CACNA1E: variants seen among roughly 807,000 people sequenced by gnomAD.
CACNA1E encodes the protein calcium voltage-gated channel subunit alpha1 E, also known as voltage-dependent R-type calcium channel subunit alpha-1E.
In CACNA1E, 40 loss-of-function variants were observed where a neutral mutation model predicts 259.2. That is an observed-to-expected ratio of 0.15 (90% CI 0.12 to 0.20). The LOEUF (loss-of-function observed/expected upper bound fraction) is 0.20, where lower values mean the gene tolerates loss of function less well. Among genes scored for constraint, CACNA1E ranks in the 10% least tolerant of loss-of-function variants. CACNA1E has a pLI of 1.00. For synonymous variants in CACNA1E, 1,104 were observed against 1,138.5 expected, an observed-to-expected ratio of 0.97 and a Z score of 0.61; for missense variants, 1,874 against 3,040.1, an observed-to-expected ratio of 0.62 and a Z score of 9.02.
rs554437629 is a variant in CACNA1E at position 181,577,677 on chromosome 1, G to A, written c.513-89G>A. On this transcript the variant is annotated intron_variant, in intron 3 of 47. Transcript: ENST00000367573. ...GGCGTCAGCGCTGTGTGCTTTCCAG[G>A]CTGAGCTTGCCTCAGCCCCGCTTCC... 3.2e-5 allele frequency: 26 copies of A among 804,302 alleles called. No individual in the cohort carries two copies. The African/African-American group carries it at 4.3e-4, about 13-fold the overall frequency. 49.8% of individuals were successfully genotyped at this position (804,302 alleles called of 1,614,324 possible).
intron 6 of CACNA1E, among the ~76,000 whole-genome samples, chr1:181,622,571 C>T (rs975682232): frequency 1.3e-5 from 2 of 152,094 alleles, no homozygotes; most frequent in Admixed American, 6.6e-5. Context: ...CTTTTGTGTA[C>T]AAGTTTACTT....
At chr1:181,626,578 T>C (rs919973686) in intron 6 of CACNA1E, among the ~76,000 whole-genome samples, 2 of 152,110 alleles carry the variant, frequency 1.3e-5, no homozygotes, top group African/African-American at 4.8e-5. Flanking sequence ...ATGGACATGG[T>C]TTACTGGAGA....
chr1:181,409,866 C>G (rs1440992596), intron 1 of CACNA1E, among the ~76,000 whole-genome samples: 1 of 152,126 alleles, frequency 6.6e-6, no homozygotes, highest in East Asian at 1.9e-4. Flanking sequence ...CATATTATTG[C>G]TGTTGTAATT....
At position 181,758,720 on chromosome 1, in the gene CACNA1E, G is replaced by A; in HGVS notation, c.4495-38G>A. ...CATGTATTCCCCCTCTTACCTTAAG[G>A]CTGTGATTCTTTCTCTCTTCTTTTT... On this transcript the variant is annotated intron_variant, in intron 31 of 47. Transcript: ENST00000367573. The surrounding 1 kb of genome is among the most constrained non-coding windows in gnomAD (Gnocchi z 4.2). The A allele has an allele frequency of 8.5e-7, 1 of 1,181,414 alleles. No individual in the cohort carries two copies. The highest frequency in any genetic ancestry group is 1.3e-6 in the Non-Finnish European group (1 of 791,872). 73.2% of individuals were successfully genotyped at this position (1,181,414 alleles called of 1,614,324 possible). A position where few individuals can be genotyped will look rare whatever the true frequency, so the allele number is the denominator to read the frequency against.
In CACNA1E at chr1:181,758,829, C is replaced by T; in HGVS notation, c.4566C>T (p.Ser1522=). ...ATATCGCCTTCACCATGGTGTTTTCCCTGGAATGTGTCCTGAAGGTCATCG... is the reference window on the plus strand; with the variant it reads ...ATATCGCCTTCACCATGGTGTTTTCTCTGGAATGTGTCCTGAAGGTCATCG... ...YLNIAFTMVF[S]LECVLKVIAF... Residue 1522 remains serine, a synonymous_variant, in exon 32 of 48, where the codon TCC becomes TCT. Transcript: ENST00000367573. This position sits in a 1 kb window ranked among gnomAD's most constrained non-coding sequence, Gnocchi z 4.2. The T allele has an allele frequency of 6.2e-7, 1 of 1,612,726 alleles. No individual in the cohort carries two copies. The highest frequency in any genetic ancestry group is 8.5e-7 in the Non-Finnish European group (1 of 1,178,774).
chr1:181,709,776 A>AGCCACTGTGCCTGGCCTGC (rs1057043940), intron 7 of CACNA1E, among the ~76,000 whole-genome samples: 3 of 152,128 alleles, frequency 2.0e-5, no homozygotes, highest in Non-Finnish European at 2.9e-5. Flanking sequence ...TACAGGCATG[A>AGCCACTGTGCCTGGCCTGC]GCCACTGTGC....
intron 1 of CACNA1E, among the ~76,000 whole-genome samples, chr1:181,335,192 C>A (rs764721517): frequency 6.6e-6 from 1 of 152,188 alleles, no homozygotes; most frequent in Non-Finnish European, 1.5e-5. Context: ...AAGTCAGGAT[C>A]TCTAGCAAAC....
chr1:181,733,647 C>T lies in CACNA1E; in HGVS notation c.3159C>T (p.Leu1053=), dbSNP rs756484546. ...GRVISQSEPD[L]SCITANTDKA... Reference sequence around the variant, plus strand: ...TCATCAGCCAGAGCGAGCCTGACCTCTCCTGCATCACGGCCAACACGGACA... The same window carrying T: ...TCATCAGCCAGAGCGAGCCTGACCTTTCCTGCATCACGGCCAACACGGACA... Residue 1053 remains leucine, a synonymous_variant, in exon 21 of 48, where the codon CTC becomes CTT. Transcript: ENST00000367573. 3.7e-6 allele frequency: 6 copies of T among 1,612,884 alleles called. No individual in the cohort carries two copies. Among genetic ancestry groups the T allele is most frequent in the Non-Finnish European group, 4.2e-6 (5 of 1,179,478 alleles).
chr1:181,796,812 A>G lies in CACNA1E; in HGVS notation c.6353A>G (p.Gln2118Arg), dbSNP rs1385274925. The G allele has an allele frequency of 6.2e-7, 1 of 1,609,792 alleles. No individual in the cohort carries two copies. The highest frequency in any genetic ancestry group is 1.3e-5 in the African/African-American group (1 of 74,850). Residue 2118 changes from glutamine to arginine, a missense_variant, in exon 47 of 48, where the codon CAA becomes CGA. Coordinates refer to ENST00000367573, the MANE Select transcript of CACNA1E (RefSeq NM_001205293.3). ...QADWESPERR[Q>R]SRSPSEGRSQ... is the part of the protein sequence containing the mutation. ...GACTGGGAGTCCCCAGAGCGCCGTC[A>G]ATCCAGGTCACCCAGTGAGGGCAGG...
At chr1:181,565,010 T>G (rs1253595008) in intron 3 of CACNA1E, among the ~76,000 whole-genome samples, 21 of 152,164 alleles carry the variant, frequency 1.4e-4, no homozygotes, top group Non-Finnish European at 7.4e-5. Flanking sequence ...GCAGAGTAGA[T>G]TTAGCATAAT....
chr1:181,394,289 C>T (rs1656503217), intron 1 of CACNA1E, among the ~76,000 whole-genome samples: 1 of 152,192 alleles, frequency 6.6e-6, no homozygotes, highest in Non-Finnish European at 1.5e-5. Flanking sequence ...AATAAGATAG[C>T]ATATTTAAAG....
Position 181,795,023 on chromosome 1 carries a change from C to T in CACNA1E, c.6187C>T (p.His2063Tyr), listed in dbSNP as rs754004543. 14 of 1,613,796 alleles carry T rather than the reference C, an allele frequency of 8.7e-6. No homozygotes were observed. The highest frequency in any genetic ancestry group is 1.3e-5 in the African/African-American group (1 of 74,936). ...SYHSSLRLSA[H>Y]RLNSDSGHKS... ...CCACTCCTCCTTGCGGCTGTCAGCC[C>T]ACCGCCTGAACTCTGATTCAGGTGA... The change falls in exon 46 of 48, where the codon CAC (histidine) becomes TAC (tyrosine). Residue 2063 changes from histidine to tyrosine, a missense_variant. Coordinates refer to ENST00000367573, the MANE Select transcript of CACNA1E (RefSeq NM_001205293.3).
In CACNA1E at chr1:181,438,652, G is replaced by T. The variant is rs2102283416; in HGVS notation, c.434+25072G>T. ...TTAGGAGAAATTTATTTATACCCAT[G>T]AGAATGGCAAAATTCAGAAAGGTGG... On this transcript the variant is annotated intron_variant, in intron 2 of 11. Transcript: ENST00000524607. 2.0e-5 allele frequency among the ~76,000 whole-genome samples: 3 copies of T among 152,288 alleles called. 1 individual carries two copies. In the East Asian group the frequency reaches 5.8e-4, roughly 29 times the overall value.
At position 181,796,797 on chromosome 1, in the gene CACNA1E, C is replaced by A; in HGVS notation, c.6338C>A (p.Ser2113Tyr). Residue 2113 changes from serine (S) to tyrosine (Y), a missense_variant, in exon 47 of 48, where the codon TCC becomes TAC. Transcript: ENST00000367573. The stretch of plus-strand genomic sequence containing the variant: ...CGAGGGACCCAGGCTGACTGGGAGT[C>A]CCCAGAGCGCCGTCAATCCAGGTCA... The part of the protein sequence containing the change: ...EERGTQADWE[S>Y]PERRQSRSPS... 1 of 1,610,730 alleles carries A rather than the reference C, an allele frequency of 6.2e-7. No individual in the cohort carries two copies. Among genetic ancestry groups the A allele is most frequent in the Non-Finnish European group, 8.5e-7 (1 of 1,178,486 alleles).
chr1:181,791,893 C>A (rs769120906), intron 44 of CACNA1E, among the ~76,000 whole-genome samples: 1 of 152,112 alleles, frequency 6.6e-6, no homozygotes, highest in African/African-American at 2.4e-5. Context: ...CCACAGAGGG[C>A]GAAAAACACT....
At position 181,776,796 on chromosome 1, in the gene CACNA1E, C is replaced by T. The variant is rs1660012044; in HGVS notation, c.5267+568C>T. Among the ~76,000 whole-genome samples, 2 of 152,218 alleles carry T rather than the reference C, an allele frequency of 1.3e-5. No homozygotes were observed. The highest frequency in any genetic ancestry group is 6.5e-5 in the Admixed American group (1 of 15,290). On this transcript the variant is annotated intron_variant, in intron 38 of 47. Coordinates refer to ENST00000367573, the MANE Select transcript of CACNA1E (RefSeq NM_001205293.3). The surrounding 1 kb of genome is among the most constrained non-coding windows in gnomAD (Gnocchi z 4.4). Reference sequence around the variant, plus strand: ...TTGGTGAAGATAACTTCTTTACTGTCTCTTTTGCTGTTTAGTAGTTCTGAA... The same window carrying T: ...TTGGTGAAGATAACTTCTTTACTGTTTCTTTTGCTGTTTAGTAGTTCTGAA...
At chr1:181,457,747 T>C (rs1169391661) in intron 2 of CACNA1E, among the ~76,000 whole-genome samples, 4 of 152,206 alleles carry the variant, frequency 2.6e-5, no homozygotes, top group Non-Finnish European at 5.9e-5. Flanking sequence ...GTTGAACATA[T>C]AGATGAAGTT....
chr1:181,418,123 A>T (rs1213835157), intron 2 of CACNA1E, among the ~76,000 whole-genome samples: 1 of 152,038 alleles, frequency 6.6e-6, no homozygotes, highest in African/African-American at 2.4e-5. Context: ...GCAACATTTG[A>T]TCACTTCCTC....
intron 18 of CACNA1E, 42 bp from the exon 19 acceptor site, chr1:181,731,123 TGAGGTTCCTA>T: frequency 6.9e-7 from 1 of 1,454,634 alleles, no homozygotes; most frequent in Non-Finnish European, 9.6e-7. Context: ...CTGTGGGGCT[TGAGGTTCCTA>T]GAGGTTGGGG....
Sources: gnomAD v4.1 joint callset for allele counts (sites outside exome capture counted in the v4.1 genomes callset) on GRCh38, gnomAD v4.1.1 for gene constraint, Gnocchi (gnomAD v3.1) non-coding constraint, MANE v1.5 for transcripts, NCBI Gene and HGNC (gene_info 2026-07-23, HGNC 2026-07-21) for gene names.